MACROD2: variants seen among roughly 807,000 people sequenced by gnomAD.
The protein encoded by MACROD2 is mono-ADP ribosylhydrolase 2.
Under a neutral mutation model 70.4 loss-of-function variants are expected in MACROD2, and 36 were observed. That is an observed-to-expected ratio of 0.51 (90% confidence interval 0.39 to 0.68). The LOEUF (loss-of-function observed/expected upper bound fraction) is 0.68. Ranked by LOEUF, MACROD2 falls within the 30% of genes least tolerant of loss-of-function variation. MACROD2 has a pLI of 0.00. For missense variants in MACROD2, 496 were observed against 538.4 expected (o/e 0.92, Z 0.78); for synonymous variants, 172 against 178.8 (o/e 0.96, Z 0.30).
At chr20:14,446,238 A>G (rs2084180536) in intron 3 of MACROD2, among the ~76,000 whole-genome samples, 1 of 152,092 alleles carries the variant, frequency 6.6e-6, no homozygotes, top group South Asian at 2.1e-4. Flanking sequence ...TAGTAATAGT[A>G]TAAATAATAA....
chr20:14,557,899 T>A (rs542727122), intron 4 of MACROD2, among the ~76,000 whole-genome samples: 2 of 151,846 alleles, frequency 1.3e-5, no homozygotes, highest in African/African-American at 2.4e-5. Flanking sequence ...ATTAAAAAAA[T>A]TTACATAAAA....
At chr20:15,626,780 A>T (rs894413721) in intron 8 of MACROD2, among the ~76,000 whole-genome samples, 1 of 152,104 alleles carries the variant, frequency 6.6e-6, no homozygotes, top group African/African-American at 2.4e-5. Flanking sequence ...TCTTGAACCC[A>T]GGAGATGGAG....
intron 8 of MACROD2, among the ~76,000 whole-genome samples, chr20:15,813,291 G>A (rs2063839141): frequency 6.6e-6 from 1 of 152,082 alleles, no homozygotes; most frequent in Admixed American, 6.5e-5. Flanking sequence ...TACTTCTTAA[G>A]CTCACTTTTC....
intron 8 of MACROD2, among the ~76,000 whole-genome samples, chr20:15,546,899 A>T (rs1285868214): frequency 6.6e-6 from 1 of 152,170 alleles, no homozygotes; most frequent in South Asian, 2.1e-4. Context: ...CTCTTTTAGG[A>T]TTCAAAAGGA....
intron 10 of MACROD2, among the ~76,000 whole-genome samples, chr20:15,922,423 T>A (rs2065423492): frequency 6.6e-6 from 1 of 152,230 alleles, no homozygotes; most frequent in Non-Finnish European, 1.5e-5. Flanking sequence ...CTTAGATATT[T>A]TACATTTTTT....
intron 4 of MACROD2, among the ~76,000 whole-genome samples, chr20:14,641,948 C>A (rs1985120529): frequency 6.6e-6 from 1 of 152,164 alleles, no homozygotes; most frequent in African/African-American, 2.4e-5. Flanking sequence ...TTCTCTGAAG[C>A]CTTGAAGCCA....
intron 6 of MACROD2, among the ~76,000 whole-genome samples, chr20:15,427,242 C>T (rs557786168): frequency 6.6e-6 from 1 of 152,226 alleles, no homozygotes; most frequent in Non-Finnish European, 1.5e-5. Flanking sequence ...GCAACGATGT[C>T]ATTTCCAGAT....
At chr20:15,324,603 A>G (rs1273964276) in intron 6 of MACROD2, among the ~76,000 whole-genome samples, 1 of 152,178 alleles carries the variant, frequency 6.6e-6, no homozygotes, top group East Asian at 1.9e-4. Flanking sequence ...TTGAAATTGA[A>G]GTAACGTTCT....
chr20:15,336,523 T>TC (rs1479930007), intron 6 of MACROD2, among the ~76,000 whole-genome samples: 3 of 151,708 alleles, frequency 2.0e-5, no homozygotes, highest in Non-Finnish European at 2.9e-5. Context: ...TCTTTCTGCA[T>TC]CACCCTCATG....
intron 15 of MACROD2, among the ~76,000 whole-genome samples, chr20:16,027,885 CA>C (rs1340393793): frequency 6.6e-6 from 1 of 152,200 alleles, no homozygotes; most frequent in Non-Finnish European, 1.5e-5. Context: ...TGGCAGCCCC[CA>C]GCTGAGAAGG....
At chr20:14,091,063 T>C (rs2054142393) in intron 3 of MACROD2, among the ~76,000 whole-genome samples, 1 of 152,222 alleles carries the variant, frequency 6.6e-6, no homozygotes, top group Admixed American at 6.5e-5. Flanking sequence ...AAATGTCTGT[T>C]CAGATCCTTT....
At chr20:15,050,637 G>A (rs868324718) in intron 5 of MACROD2, among the ~76,000 whole-genome samples, 28 of 148,094 alleles carry the variant, frequency 1.9e-4, no homozygotes, top group South Asian at 8.4e-4. Context: ...CGCCTCCTGG[G>A]TTCACGCTAG....
chr20:15,058,045 GA>G (rs1321161755), intron 5 of MACROD2, among the ~76,000 whole-genome samples: 1 of 152,118 alleles, frequency 6.6e-6, no homozygotes, highest in East Asian at 1.9e-4. Flanking sequence ...TTCTGAAGTT[GA>G]TTTAAAGTTC....
intron 3 of MACROD2, among the ~76,000 whole-genome samples, chr20:14,250,177 A>G (rs1026946793): frequency 1.3e-5 from 2 of 151,782 alleles, no homozygotes; most frequent in African/African-American, 4.8e-5. Flanking sequence ...AAAAAAAAAT[A>G]ACTGATTTGG....
At chr20:15,066,899 G>T (rs2075580761) in intron 5 of MACROD2, among the ~76,000 whole-genome samples, 1 of 149,750 alleles carries the variant, frequency 6.7e-6, no homozygotes, top group Non-Finnish European at 1.5e-5. Flanking sequence ...AAAAAAAAAG[G>T]AATAAGTGCA....
chr20:15,451,399 C>A (rs556009836), intron 7 of MACROD2, among the ~76,000 whole-genome samples: 13 of 136,992 alleles, frequency 9.5e-5, no homozygotes, highest in Non-Finnish European at 1.7e-4. Flanking sequence ...ATGAGCAAAT[C>A]TCCTGAAGGG....
At chr20:14,782,983 A>C (rs868228918) in intron 5 of MACROD2, among the ~76,000 whole-genome samples, 47 of 152,200 alleles carry the variant, frequency 3.1e-4, no homozygotes, top group Middle Eastern at 3.4e-3. Flanking sequence ...GAATGCTGTT[A>C]CCTCTCAGAA....
At chr20:15,594,477 G>A (rs1283374984) in intron 8 of MACROD2, among the ~76,000 whole-genome samples, 5 of 152,142 alleles carry the variant, frequency 3.3e-5, no homozygotes, top group Non-Finnish European at 5.9e-5. Context: ...TGGGGTTACT[G>A]GGCTGCCCTC....
At chr20:14,111,705 A>G (rs1343693583) in intron 3 of MACROD2, among the ~76,000 whole-genome samples, 1 of 152,106 alleles carries the variant, frequency 6.6e-6, no homozygotes, top group Non-Finnish European at 1.5e-5. Flanking sequence ...AAAGACAGGC[A>G]GTAACAAATG....
Sources: allele counts gnomAD v4.1 joint callset (sites outside exome capture counted in the v4.1 genomes callset), GRCh38; gene constraint gnomAD v4.1.1; transcripts MANE v1.5; gene names NCBI Gene and HGNC (gene_info 2026-07-23, HGNC 2026-07-21).